C5: variants seen among roughly 807,000 people sequenced by gnomAD.
C5 encodes the protein C3 and PZP-like alpha-2-macroglobulin domain-containing protein 4.
In C5, 140 loss-of-function variants were observed where a neutral mutation model predicts 218.8. The observed-to-expected ratio is 0.64, with a 90% confidence interval of 0.56 to 0.74. C5 has a LOEUF of 0.74. C5 is among the 30% of genes least tolerant of loss of function. C5 has a pLI of 0.00. For missense variants in C5, 1,700 were observed against 1,969.6 expected, an observed-to-expected ratio of 0.86 and a Z score of 2.59; for synonymous variants, 614 against 682.3, an observed-to-expected ratio of 0.90 and a Z score of 1.56.
At chr9:120,994,908 G>T (rs1383976644) in intron 22 of C5, among the ~76,000 whole-genome samples, 1 of 142,418 alleles carries the variant, frequency 7.0e-6, no homozygotes, top group Non-Finnish European at 1.5e-5. Flanking sequence ...GTCAGCAGAA[G>T]AAGCATCTGT....
At position 121,030,627 on chromosome 9, in the gene C5, C is replaced by T. The variant is rs565830692; in HGVS notation, c.668-140G>A. 3.0e-5 allele frequency: 17 copies of T among 575,366 alleles called. No homozygotes were observed. The Admixed American group carries it at 4.3e-4, about 14-fold the overall frequency. The allele number at this position is 575,366 out of a possible 1,614,324, so 35.6% of individuals were successfully genotyped here. A position where few individuals can be genotyped will look rare whatever the true frequency, so the allele number is the denominator to read the frequency against. On this transcript the variant is annotated intron_variant, in intron 6 of 40. Transcript: ENST00000223642. ...TCCACTTTATTATCATAATCATCAT[C>T]GTCATCATCGTCATCACCAACAACA... is the stretch of plus-strand genomic sequence containing the variant.
At chr9:121,000,405 A>G (rs1191618883) in intron 20 of C5, among the ~76,000 whole-genome samples, 2 of 152,234 alleles carry the variant, frequency 1.3e-5, no homozygotes, top group East Asian at 1.9e-4. Flanking sequence ...TAGTTATACA[A>G]TATAACCACA....
intron 25 of C5, among the ~76,000 whole-genome samples, chr9:120,988,371 C>A (rs1304753488): frequency 6.6e-6 from 1 of 151,994 alleles, no homozygotes; most frequent in African/African-American, 2.4e-5. Context: ...GAGTGGATTG[C>A]AATTTTAGAC....
the C5 span, among the ~76,000 whole-genome samples, chr9:121,059,429 G>GA: frequency 6.6e-6 from 1 of 152,184 alleles, no homozygotes; most frequent in East Asian, 1.9e-4. The surrounding 1 kb of genome is among the most constrained non-coding windows in gnomAD (Gnocchi z 4.1). Flanking sequence ...ACCTTCTAAT[G>GA]AATCAAGCTC....
the C5 span, among the ~76,000 whole-genome samples, chr9:121,073,957 GAAGA>G: frequency 6.6e-6 from 1 of 152,140 alleles, no homozygotes; most frequent in Non-Finnish European, 1.5e-5. Context: ...ACTCTGTAGT[GAAGA>G]AAGGAAATGA....
intron 28 of C5, 74 bp from the exon 29 acceptor site, chr9:120,976,979 T>C (rs2046958461): frequency 2.3e-6 from 3 of 1,302,018 alleles, no homozygotes; most frequent in South Asian, 2.4e-5. Context: ...ACCAGGTGTA[T>C]TATGGCCTTC....
chr9:121,003,069 G>C (rs1212532201), intron 20 of C5, among the ~76,000 whole-genome samples: 2 of 152,170 alleles, frequency 1.3e-5, no homozygotes, highest in Non-Finnish European at 2.9e-5. Context: ...AAGGTGGGCA[G>C]ATCACAAGGT....
chr9:121,041,276 T>G (rs536450373), intron 3 of C5, among the ~76,000 whole-genome samples: 13 of 128,724 alleles, frequency 1.0e-4, no homozygotes, highest in African/African-American at 3.7e-4. Flanking sequence ...AAAGTCCTGA[T>G]AGAGAAATAA....
chr9:121,049,177 C>A (rs1018030602), intron 1 of C5, among the ~76,000 whole-genome samples: 1 of 152,200 alleles, frequency 6.6e-6, no homozygotes, highest in African/African-American at 2.4e-5. Flanking sequence ...ATGGTACACT[C>A]TGACTTCTTC....
the C5 span, among the ~76,000 whole-genome samples, chr9:121,071,285 A>C: frequency 6.6e-6 from 1 of 152,120 alleles, no homozygotes; most frequent in Non-Finnish European, 1.5e-5. Context: ...GTGCTACTGC[A>C]CTCCAGCCTG....
chr9:121,041,935 A>G (rs184906868), intron 3 of C5, among the ~76,000 whole-genome samples: 16 of 152,332 alleles, frequency 1.1e-4, no homozygotes, highest in African/African-American at 3.8e-4. Context: ...TGAGCTGATC[A>G]TAACAAATGC....
chr9:121,074,604 C>T, the C5 span: 13 of 357,372 alleles, frequency 3.6e-5, no homozygotes, highest in East Asian at 9.7e-4. Flanking sequence ...TGCGCCGGTG[C>T]CTCAGGCCGT....
chr9:120,970,782 G>A (rs958254740), intron 31 of C5, among the ~76,000 whole-genome samples: 6 of 152,230 alleles, frequency 3.9e-5, no homozygotes, highest in African/African-American at 1.4e-4. Context: ...ATGCACTAAA[G>A]ATAAGAGCGT....
rs147434545 is a variant in C5 at position 120,979,699 on chromosome 9, G to A, written c.3658+384C>T. ...GCCCAGGCATTTGAGATCATCCGGG[G>A]AAACACAGTGAGACTCGTATCTGCA... is the stretch of plus-strand genomic sequence containing the variant. On this transcript the variant is annotated intron_variant, in intron 28 of 40. Transcript: ENST00000223642. 1.8e-3 allele frequency: 503 copies of A among 272,310 alleles called. 1 individual carries two copies. The highest frequency in any genetic ancestry group is 3.8e-3 in the Admixed American group (76 of 20,026). The allele number at this position is 272,310 out of a possible 1,614,324, so 16.9% of individuals were successfully genotyped here. A position where few individuals can be genotyped will look rare whatever the true frequency, so the allele number is the denominator to read the frequency against.
At chr9:121,003,936 T>C (rs1402466092) in intron 20 of C5, among the ~76,000 whole-genome samples, 1 of 152,122 alleles carries the variant, frequency 6.6e-6, no homozygotes, top group Admixed American at 6.5e-5. Context: ...TGGCGCAATC[T>C]CGGCTCACTG....
chr9:120,962,974 G>A lies in C5; in HGVS notation c.4324-7C>T, dbSNP rs574469025. 6 of 1,608,438 alleles carry A rather than the reference G, an allele frequency of 3.7e-6. No homozygotes were observed. In the South Asian group the frequency reaches 4.4e-5, roughly 12 times the overall value. ...GATCCACCCCTTCCACAAGCTAAGG[G>A]GGAAAAGAGAGAAGCTTGAATTTCA... On this transcript the variant is annotated splice_polypyrimidine_tract_variant and splice_region_variant and intron_variant, in intron 34 of 40. Coordinates refer to ENST00000223642, the MANE Select transcript of C5 (RefSeq NM_001735.3).
At chr9:121,050,855 G>A (rs2047666381), upstream of C5, among the ~76,000 whole-genome samples, 1 of 152,088 alleles carries the variant, frequency 6.6e-6, no homozygotes, top group African/African-American at 2.4e-5. Flanking sequence ...AGTTGTGACT[G>A]GCAATGAAAA....
At chr9:121,020,241 C>A (rs1334869288) in intron 11 of C5, 62 bp from the exon 12 acceptor site, 10 of 1,191,002 alleles carry the variant, frequency 8.4e-6, no homozygotes, top group Non-Finnish European at 1.3e-5. Flanking sequence ...GTAAAACATA[C>A]CTTTCAAATT....
intron 39 of C5, 125 bp downstream of exon 39, chr9:120,957,160 G>A (rs2046792069): frequency 6.9e-6 from 5 of 728,524 alleles, no homozygotes; most frequent in African/African-American, 1.7e-5. Context: ...TAGAATATAA[G>A]CTTTAAAAAG....
Sources: gnomAD v4.1 joint callset for allele counts (sites outside exome capture counted in the v4.1 genomes callset) on GRCh38, gnomAD v4.1.1 for gene constraint, Gnocchi (gnomAD v3.1) non-coding constraint, MANE v1.5 for transcripts, NCBI Gene and HGNC (gene_info 2026-07-23, HGNC 2026-07-21) for gene names.